The following SUCLA2 variants were observed in gnomAD, a reference collection of about 807,000 sequenced individuals.
The protein encoded by SUCLA2 is succinate-CoA ligase ADP-forming subunit beta.
Under a neutral mutation model 54.8 loss-of-function variants are expected in SUCLA2, and 30 were observed. That is an observed-to-expected ratio of 0.55 (90% CI 0.41 to 0.74). The LOEUF is 0.74. Ranked by LOEUF, SUCLA2 falls within the 30% of genes least tolerant of loss-of-function variation. The probability of loss-of-function intolerance (pLI) is 0.00; values close to 1 mark genes in which losing one functional copy is unlikely to be tolerated. For missense variants in SUCLA2, 476 were observed against 562.9 expected (o/e 0.85, Z 1.56); for synonymous variants, 172 against 188.9 (o/e 0.91, Z 0.74).
intron 4 of SUCLA2, among the ~76,000 whole-genome samples, chr13:47,978,020 A>T (rs1008178628): frequency 3.9e-5 from 6 of 152,192 alleles, no homozygotes; most frequent in Admixed American, 1.3e-4. Context: ...AAGAAAGAAC[A>T]CAAAGGGAAA....
intron 8 of SUCLA2, among the ~76,000 whole-genome samples, chr13:47,950,253 T>C (rs767311004): frequency 1.3e-5 from 2 of 152,210 alleles, no homozygotes; most frequent in Non-Finnish European, 2.9e-5. Context: ...GTGCAAGTGT[T>C]ACCAAGAAAA....
chr13:47,945,422 C>CAAAAAAAAAAAAAAAAA (rs10661341), intron 10 of SUCLA2, among the ~76,000 whole-genome samples: 1 of 50,008 alleles, frequency 2.0e-5, no homozygotes, highest in African/African-American at 8.6e-5. Flanking sequence ...GACTCAGTCT[C>CAAAAAAAAAAAAAAAAA]AAAAAAAAAA....
intron 4 of SUCLA2, chr13:47,988,303 C>G: frequency 1.9e-6 from 1 of 539,628 alleles, no homozygotes; most frequent in East Asian, 3.1e-5. Flanking sequence ...TTGAGAATCC[C>G]ATGAAATTTA....
intron 1 of SUCLA2, chr13:48,000,914 C>G: frequency 1.5e-6 from 2 of 1,361,986 alleles, no homozygotes; most frequent in South Asian, 1.6e-5. Context: ...CACCTGCTCC[C>G]GCCCATCTCT....
intron 1 of SUCLA2, among the ~76,000 whole-genome samples, chr13:47,998,938 A>T (rs1950209260): frequency 6.6e-6 from 1 of 152,250 alleles, no homozygotes; most frequent in African/African-American, 2.4e-5. Flanking sequence ...GGGAGTAACT[A>T]GCATAAGCCT....
chr13:47,996,610 C>A (rs1386159232), intron 2 of SUCLA2, among the ~76,000 whole-genome samples: 2 of 151,924 alleles, frequency 1.3e-5, no homozygotes, highest in Non-Finnish European at 1.5e-5. Flanking sequence ...ACTTCAGCTT[C>A]CTAATGCCAA....
chr13:47,965,504 AAAACAAACAAAC>A (rs1183599744), intron 6 of SUCLA2: 2 of 388,044 alleles, frequency 5.2e-6, no homozygotes, highest in Non-Finnish European at 9.0e-6. Flanking sequence ...TAAAAAAAAA[AAAACAAACAAAC>A]AAAAAAAAAA....
At chr13:47,945,498 A>T (rs954249360) in intron 10 of SUCLA2, among the ~76,000 whole-genome samples, 3 of 151,224 alleles carry the variant, frequency 2.0e-5, no homozygotes, top group African/African-American at 7.3e-5. Flanking sequence ...TCGAGTGTTC[A>T]ATGAAATGTC....
chr13:47,950,643 C>A lies in SUCLA2; in HGVS notation c.1108-1040G>T, dbSNP rs112656069. Among the ~76,000 whole-genome samples, 1,485 of 152,240 alleles carry A rather than the reference C, an allele frequency of 9.8e-3. 28 individuals carry two copies. Among genetic ancestry groups the A allele is most frequent in the African/African-American group, 0.033 (1,383 of 41,538 alleles). On this transcript the variant is annotated intron_variant, in intron 8 of 10. Transcript: ENST00000646932. ...TGAATCAGTGTTCTCCTATCCTTTC[C>A]AAATAATCTCTCTTTTTTAAAAAAA...
At chr13:47,971,828 A>G (rs998972649) in intron 5 of SUCLA2, 23 of 398,494 alleles carry the variant, frequency 5.8e-5, no homozygotes, top group Non-Finnish European at 9.7e-5. Context: ...GAGATATAAA[A>G]TCCAGACTAC....
chr13:47,996,861 C>T lies in SUCLA2; in HGVS notation c.253G>A (p.Ala85Thr), dbSNP rs1566093911. Residue 85 changes from alanine to threonine, a missense_variant, in exon 2 of 11, where the codon GCA becomes ACA. This residue lies in a region of SUCLA2 where 134 missense variants were observed against 118.7 expected (regional missense o/e 1.13). Transcript: ENST00000646932. Reference sequence around the variant, plus strand: ...TTAGTACCTAATTTTTTGGCAATTGCATAAGCTTCATCTGGTGACTTTGCC... The same window carrying T: ...TTAGTACCTAATTTTTTGGCAATTGTATAAGCTTCATCTGGTGACTTTGCC... ...YVAKSPDEAY[A>T]IAKKLGSKDV... The T allele has an allele frequency of 5.0e-6, 8 of 1,613,478 alleles. No individual in the cohort carries two copies. The highest frequency in any genetic ancestry group is 5.9e-6 in the Non-Finnish European group (7 of 1,179,822).
chr13:48,000,846 G>A (rs1950224508), intron 1 of SUCLA2: 2 of 1,155,114 alleles, frequency 1.7e-6, no homozygotes. Flanking sequence ...AGCCCACCGT[G>A]CCAGACGCCG....
At chr13:47,971,602 AAAACCAG>A in intron 5 of SUCLA2, 1 of 40,632 alleles carries the variant, frequency 2.5e-5, no homozygotes, top group Non-Finnish European at 6.2e-5. Context: ...GACAATAGAG[AAAACCAG>A]TAAAACTGTA....
chr13:47,996,910 A>G lies in SUCLA2; in HGVS notation c.204T>C (p.Gly68=), dbSNP rs1950196024. Residue 68 remains glycine, a synonymous_variant, in exon 2 of 11, where the codon GGT becomes GGC. Coordinates refer to ENST00000646932, the MANE Select transcript of SUCLA2 (RefSeq NM_003850.3). ...CCACATATCCTTTGGGAACGGAGAC[A>G]CCAGCTTCTTGCAATAATTCCATAC... ...YMSMELLQEA[G]VSVPKGYVAK... 6.2e-7 allele frequency: 1 copy of G among 1,614,056 alleles called. No individual in the cohort carries two copies. Among genetic ancestry groups the G allele is most frequent in the South Asian group, 1.1e-5 (1 of 91,082 alleles).
chr13:47,950,661 T>A (rs900406159), intron 8 of SUCLA2, among the ~76,000 whole-genome samples: 1 of 152,122 alleles, frequency 6.6e-6, no homozygotes, highest in Non-Finnish European at 1.5e-5. Flanking sequence ...CTCTCTTTTT[T>A]AAAAAAAAGA....
At chr13:47,961,077 T>C (rs1434477858) in intron 6 of SUCLA2, among the ~76,000 whole-genome samples, 1 of 152,134 alleles carries the variant, frequency 6.6e-6, no homozygotes, top group Non-Finnish European at 1.5e-5. Context: ...AAAAAGAAAA[T>C]TGGGGCCAGT....
chr13:47,954,028 T>C (rs1949797210), intron 8 of SUCLA2, 112 bp downstream of exon 8: 4 of 1,018,594 alleles, frequency 3.9e-6, no homozygotes, highest in Non-Finnish European at 5.2e-6. Context: ...AAAATATATA[T>C]TAAAAGACAT....
chr13:47,962,811 T>C (rs1005421350), intron 6 of SUCLA2, among the ~76,000 whole-genome samples: 76 of 152,116 alleles, frequency 5.0e-4, no homozygotes, highest in African/African-American at 1.6e-3. Flanking sequence ...GACTGTTCTT[T>C]TGGATAAACA....
intron 2 of SUCLA2, 74 bp downstream of exon 2, chr13:47,996,769 C>A (rs1158874286): frequency 1.3e-6 from 2 of 1,490,110 alleles, no homozygotes; most frequent in Non-Finnish European, 9.2e-7. Context: ...AAGTTGTTAT[C>A]AAACCAAAAA....
Sources: allele counts gnomAD v4.1 joint callset (sites outside exome capture counted in the v4.1 genomes callset), GRCh38; gene constraint gnomAD v4.1.1; regional missense constraint gnomAD v4.1.1; transcripts MANE v1.5; gene names NCBI Gene and HGNC (gene_info 2026-07-23, HGNC 2026-07-21).